The following VPS13D variants were observed in gnomAD, a reference collection of about 807,000 sequenced individuals.
VPS13D encodes intermembrane lipid transfer protein VPS13D.
In VPS13D, 187 loss-of-function variants were observed where a neutral mutation model predicts 461.9. That is an observed-to-expected ratio of 0.40 (90% CI 0.36 to 0.46). The LOEUF is 0.46. VPS13D is among the 20% of genes least tolerant of loss of function. The pLI is 0.60. For missense variants in VPS13D, 4,711 were observed against 5,364.9 expected (o/e 0.88, Z 3.81); for synonymous variants, 1,951 against 1,986.3 (o/e 0.98, Z 0.47).
chr1:12,380,564 T>G (rs1465468760), intron 57 of VPS13D, among the ~76,000 whole-genome samples: 1 of 152,230 alleles, frequency 6.6e-6, no homozygotes. Context: ...TTTTCTGCCC[T>G]TTCTGGCTTC....
intron 37 of VPS13D, among the ~76,000 whole-genome samples, chr1:12,330,694 G>A (rs1643307799): frequency 1.3e-5 from 2 of 151,784 alleles, no homozygotes; most frequent in Admixed American, 6.6e-5. Context: ...AGCCTCCCGA[G>A]TAGCTGGGAT....
intron 55 of VPS13D, 103 bp from the exon 56 acceptor site, chr1:12,378,325 T>C: frequency 9.3e-7 from 1 of 1,078,086 alleles, no homozygotes; most frequent in Non-Finnish European, 1.3e-6. Context: ...ATAAACTTCC[T>C]ATATGAGAAC....
At chr1:12,316,013 C>T (rs765014481) in intron 30 of VPS13D, among the ~76,000 whole-genome samples, 7 of 152,076 alleles carry the variant, frequency 4.6e-5, no homozygotes, top group Non-Finnish European at 1.0e-4. Context: ...AACGGGGTTT[C>T]ACCATATTGG....
At chr1:12,454,523 G>A (rs1407216001) in intron 65 of VPS13D, among the ~76,000 whole-genome samples, 1 of 152,222 alleles carries the variant, frequency 6.6e-6, no homozygotes, top group Non-Finnish European at 1.5e-5. Context: ...AAAATATTTG[G>A]ACTGAGTAAA....
At chr1:12,336,606 A>G (rs1052726972) in intron 39 of VPS13D, 10 of 152,214 alleles carry the variant, frequency 6.6e-5, no homozygotes, top group African/African-American at 2.4e-4. Flanking sequence ...GTGTCATGGG[A>G]AGATTGGGTG....
At chr1:12,433,662 G>A (rs1226888710) in intron 65 of VPS13D, among the ~76,000 whole-genome samples, 1 of 152,200 alleles carries the variant, frequency 6.6e-6, no homozygotes, top group African/African-American at 2.4e-5. Flanking sequence ...ATTCAGGCCT[G>A]TAACACAAAA....
intron 5 of VPS13D, among the ~76,000 whole-genome samples, chr1:12,247,182 G>A (rs1353325121): frequency 6.6e-6 from 1 of 152,078 alleles, no homozygotes; most frequent in East Asian, 1.9e-4. Flanking sequence ...CAGCACTTTG[G>A]GAGGCCAAGG....
chr1:12,506,499 C>T (rs1475076520), intron 68 of VPS13D, among the ~76,000 whole-genome samples: 1 of 152,206 alleles, frequency 6.6e-6, no homozygotes, highest in African/African-American at 2.4e-5. Flanking sequence ...CTTTTCCCCC[C>T]TCAGCTTTCA....
At chr1:12,508,867 G>C (rs1646148427) in intron 69 of VPS13D, 26 bp from the exon 70 acceptor site, 1 of 1,609,126 alleles carries the variant, frequency 6.2e-7, no homozygotes. Flanking sequence ...CTGGGGACAG[G>C]TGACCCATCC....
intron 65 of VPS13D, among the ~76,000 whole-genome samples, chr1:12,431,293 T>A (rs558944851): frequency 1.3e-5 from 2 of 152,200 alleles, no homozygotes; most frequent in Non-Finnish European, 2.9e-5. Context: ...ACACAATCGC[T>A]GATATTCAGT....
At chr1:12,257,394 A>G (rs1557668268) in intron 9 of VPS13D, among the ~76,000 whole-genome samples, 2 of 152,154 alleles carry the variant, frequency 1.3e-5, no homozygotes, top group African/African-American at 4.8e-5. Flanking sequence ...AATACTTTAA[A>G]TATTCTTTGA....
chr1:12,231,754 C>T (rs1639979941), intron 1 of VPS13D, among the ~76,000 whole-genome samples: 17 of 152,138 alleles, frequency 1.1e-4, no homozygotes, highest in Non-Finnish European at 2.1e-4. Flanking sequence ...TTTGGGAGGC[C>T]AAAGTGGGCA....
chr1:12,410,548 A>G (rs1026524986), intron 63 of VPS13D, among the ~76,000 whole-genome samples: 1 of 152,234 alleles, frequency 6.6e-6, no homozygotes, highest in Non-Finnish European at 1.5e-5. Flanking sequence ...GAAAAAACAA[A>G]CACTAGAAAC....
intron 65 of VPS13D, among the ~76,000 whole-genome samples, chr1:12,432,308 G>A (rs1360846851): frequency 2.0e-5 from 3 of 151,650 alleles, no homozygotes; most frequent in Non-Finnish European, 2.9e-5. Flanking sequence ...CAGGAGAGTC[G>A]CTTGAACCTG....
chr1:12,239,675 C>T (rs371253710), intron 2 of VPS13D, among the ~76,000 whole-genome samples: 143 of 152,292 alleles, frequency 9.4e-4, no homozygotes, highest in African/African-American at 3.0e-3. Flanking sequence ...TTATAAGCTC[C>T]GAACCTTAGG....
chr1:12,487,745 A>G (rs1462016585), intron 67 of VPS13D, among the ~76,000 whole-genome samples: 1 of 151,970 alleles, frequency 6.6e-6, no homozygotes, highest in Non-Finnish European at 1.5e-5. Flanking sequence ...GGGAGAGGTG[A>G]CAGTTAGGAC....
Position 12,349,351 on chromosome 1 carries a change from C to T in VPS13D, c.9408C>T (p.Asp3136=), listed in dbSNP as rs1557725185. 15 of 1,613,806 alleles carry T rather than the reference C, an allele frequency of 9.3e-6. No homozygotes were observed. Among genetic ancestry groups the T allele is most frequent in the Non-Finnish European group, 1.1e-5 (13 of 1,179,998 alleles). ...SSSKRECHSM[D]TEKSRFFRFC... Reference sequence around the variant, plus strand: ...GTAAACGAGAGTGCCACTCTATGGACACAGAAAAAAGCCGATTTTTCAGGT... The same window carrying T: ...GTAAACGAGAGTGCCACTCTATGGATACAGAAAAAAGCCGATTTTTCAGGT... Residue 3136 remains aspartate, a synonymous_variant, in exon 46 of 70, where the codon GAC becomes GAT. Transcript: ENST00000620676.
intron 58 of VPS13D, among the ~76,000 whole-genome samples, chr1:12,383,932 G>C (rs556670629): frequency 6.6e-6 from 1 of 152,312 alleles, no homozygotes; most frequent in South Asian, 2.1e-4. Flanking sequence ...ACAGAATGTG[G>C]TAAGAAAGAA....
chr1:12,432,900 G>A (rs1158524282), intron 65 of VPS13D, among the ~76,000 whole-genome samples: 1 of 152,114 alleles, frequency 6.6e-6, no homozygotes, highest in Non-Finnish European at 1.5e-5. Context: ...TGGCGTCTGA[G>A]TCCTCCTTCT....
Sources: gnomAD v4.1 joint callset for allele counts (sites outside exome capture counted in the v4.1 genomes callset) on GRCh38, gnomAD v4.1.1 for gene constraint, MANE v1.5 for transcripts, NCBI Gene and HGNC (gene_info 2026-07-23, HGNC 2026-07-21) for gene names.